TLK1: variants seen among roughly 807,000 people sequenced by gnomAD.
TLK1 encodes the protein serine/threonine-protein kinase tousled-like 1.
In TLK1, 24 loss-of-function variants were observed where a neutral mutation model predicts 105.3. The ratio of observed to expected loss-of-function variants is 0.23; its 90% confidence interval spans 0.17 to 0.32. TLK1 has a LOEUF of 0.32. Among genes scored for constraint, TLK1 ranks in the 10% least tolerant of loss-of-function variants. The pLI is 1.00. For missense variants in TLK1, 558 were observed against 910.5 expected (o/e 0.61, Z 4.98); for synonymous variants, 321 against 310.4 (o/e 1.03, Z -0.36).
At position 171,037,096 on chromosome 2, in the gene TLK1, T is replaced by C. The variant is rs535213957; in HGVS notation, c.1170-8691A>G. ...GTCACAGAAAAGGTAATATCTGAAC[T>C]AAATTAAAAAGAAGCAACAGCAGGA... On this transcript the variant is annotated intron_variant, in intron 11 of 20. Coordinates refer to ENST00000431350, the MANE Select transcript of TLK1 (RefSeq NM_012290.5). Among the ~76,000 whole-genome samples the C allele has an allele frequency of 3.9e-5, 6 of 152,054 alleles. No individual in the cohort carries two copies. In the South Asian group the frequency reaches 1.0e-3, roughly 26 times the overall value.
Position 170,996,610 on chromosome 2 carries a change from A to G in TLK1, c.2124+43T>C, listed in dbSNP as rs1317002330. On this transcript the variant is annotated intron_variant, in intron 20 of 20. Transcript: ENST00000431350. ...ACCTTGTTGTCAGCACAACTGATGA[A>G]AGAAAAGTTACTTCACAAAACTCAT... 13 of 1,528,328 alleles carry G rather than the reference A, an allele frequency of 8.5e-6. No homozygotes were observed. The African/African-American group carries it at 1.8e-4, about 21-fold the overall frequency. 94.7% of individuals were successfully genotyped at this position (1,528,328 alleles called of 1,614,324 possible). A position where few individuals can be genotyped will look rare whatever the true frequency, so the allele number is the denominator to read the frequency against.
chr2:171,197,923 C>A (rs1693306334), intron 1 of TLK1, among the ~76,000 whole-genome samples: 1 of 152,036 alleles, frequency 6.6e-6, no homozygotes, highest in African/African-American at 2.4e-5. Context: ...TGGCTAGTAC[C>A]CTTATATGAT....
chr2:171,211,404 TG>T (rs1394172176), intron 1 of TLK1, among the ~76,000 whole-genome samples: 1 of 152,226 alleles, frequency 6.6e-6, no homozygotes, highest in Non-Finnish European at 1.5e-5. Flanking sequence ...CTAAGATGCA[TG>T]GCTTACCCTA....
chr2:171,148,355 G>T (rs114947887), intron 1 of TLK1, among the ~76,000 whole-genome samples: 163 of 151,830 alleles, frequency 1.1e-3, no homozygotes, highest in African/African-American at 3.8e-3. Context: ...TGTGGTATAG[G>T]GATTAGAAGT....
intron 1 of TLK1, among the ~76,000 whole-genome samples, chr2:171,137,291 A>AC (rs573481868): frequency 5.3e-4 from 81 of 152,060 alleles, no homozygotes; most frequent in Middle Eastern, 3.4e-3. Flanking sequence ...CAAAAAAAAA[A>AC]AAGTTTGCTG....
chr2:171,189,786 T>A (rs1440547212), intron 1 of TLK1, among the ~76,000 whole-genome samples: 1 of 152,292 alleles, frequency 6.6e-6, no homozygotes, highest in East Asian at 1.9e-4. Flanking sequence ...TTTGCCCTCA[T>A]GTTGTCATTT....
intron 1 of TLK1, among the ~76,000 whole-genome samples, chr2:171,226,750 T>C (rs958569013): frequency 1.3e-5 from 2 of 152,172 alleles, no homozygotes; most frequent in African/African-American, 2.4e-5. Flanking sequence ...AAGTGGCAGA[T>C]GGCAATTTCC....
chr2:171,181,310 A>T (rs552503928), intron 1 of TLK1, among the ~76,000 whole-genome samples: 44 of 152,190 alleles, frequency 2.9e-4, no homozygotes, highest in Non-Finnish European at 5.0e-4. Context: ...GTGTCCATAT[A>T]AAGACTCTGA....
rs1689589381 is a variant in TLK1 at position 171,099,304 on chromosome 2, C to A, written c.259-16452G>T. On this transcript the variant is annotated intron_variant, in intron 2 of 20. Transcript: ENST00000431350. ...ATACTTAGGAATAAACTTAACAAAA[C>A]AAATGCAAGACTTATACAGTATAAA... Among the ~76,000 whole-genome samples the A allele has an allele frequency of 2.0e-5, 3 of 151,962 alleles. No homozygotes were observed. The South Asian group carries it at 6.2e-4, about 32-fold the overall frequency.
chr2:171,178,200 G>C (rs771238431), intron 1 of TLK1, among the ~76,000 whole-genome samples: 1 of 152,128 alleles, frequency 6.6e-6, no homozygotes, highest in Non-Finnish European at 1.5e-5. Flanking sequence ...AGATAATATT[G>C]TTCTTCTCAT....
chr2:171,057,967 A>G (rs1010943131), intron 5 of TLK1, among the ~76,000 whole-genome samples, 184 bp downstream of exon 5: 5 of 152,094 alleles, frequency 3.3e-5, no homozygotes, highest in African/African-American at 1.2e-4. Context: ...TTTAGAAAAA[A>G]ATGATATGGC....
intron 1 of TLK1, among the ~76,000 whole-genome samples, chr2:171,205,027 G>A (rs190752522): frequency 6.6e-6 from 1 of 152,042 alleles, no homozygotes; most frequent in East Asian, 1.9e-4. Context: ...AAGGGTGAGT[G>A]CAATGGAATA....
At chr2:171,135,094 T>C (rs997412763) in intron 1 of TLK1, among the ~76,000 whole-genome samples, 3 of 152,080 alleles carry the variant, frequency 2.0e-5, no homozygotes, top group African/African-American at 7.2e-5. Context: ...TGAGGAAATG[T>C]TGGTCAAAGG....
intron 1 of TLK1, among the ~76,000 whole-genome samples, chr2:171,120,472 G>T (rs1025454540): frequency 6.6e-6 from 1 of 151,900 alleles, no homozygotes; most frequent in African/African-American, 2.4e-5. Context: ...ATTAAAAAAT[G>T]GGCAAAAGAC....
rs1687597061 is a variant in TLK1 at position 171,058,343 on chromosome 2, C to T, written c.407-146G>A. On this transcript the variant is annotated intron_variant, in intron 4 of 20. Coordinates refer to ENST00000431350, the MANE Select transcript of TLK1 (RefSeq NM_012290.5). The stretch of plus-strand genomic sequence containing the variant: ...GAGACATGCCAATTTTTAAAAGTTC[C>T]AGTTATTGGAGAATCTTACAAATAA... The T allele has an allele frequency of 5.8e-6, 4 of 693,416 alleles. No homozygotes were observed. The Admixed American group carries it at 1.1e-4, about 19-fold the overall frequency. The allele number at this position is 693,416 out of a possible 1,614,324, so 43.0% of individuals were successfully genotyped here.
chr2:171,201,354 T>G (rs218311), intron 1 of TLK1, among the ~76,000 whole-genome samples: 3 of 152,002 alleles, frequency 2.0e-5, no homozygotes, highest in Admixed American at 6.5e-5. Context: ...TATTTTGTCA[T>G]CAATCGTTAT....
At chr2:171,055,250 A>T (rs1237682372) in intron 6 of TLK1, 78 bp from the exon 7 acceptor site, 2 of 842,578 alleles carry the variant, frequency 2.4e-6, no homozygotes, top group Non-Finnish European at 3.5e-6. Flanking sequence ...TCTAATTAGC[A>T]ACAATTACTT....
chr2:171,046,478 T>C (rs1313764558), intron 10 of TLK1, 116 bp from the exon 11 acceptor site: 4 of 1,213,310 alleles, frequency 3.3e-6, no homozygotes, highest in Admixed American at 3.1e-5. Flanking sequence ...CGTAACCTTT[T>C]GGTTCCACTC....
At chr2:171,137,077 C>T (rs1041445996) in intron 1 of TLK1, among the ~76,000 whole-genome samples, 1 of 152,160 alleles carries the variant, frequency 6.6e-6, no homozygotes, top group Non-Finnish European at 1.5e-5. Context: ...AATCCCAGCA[C>T]TTTGGGAAGC....
Sources: allele counts gnomAD v4.1 joint callset (sites outside exome capture counted in the v4.1 genomes callset), GRCh38; gene constraint gnomAD v4.1.1; transcripts MANE v1.5; gene names NCBI Gene and HGNC (gene_info 2026-07-23, HGNC 2026-07-21).